NEXMIF: variants seen among roughly 807,000 people sequenced by gnomAD.
NEXMIF encodes the protein XLMR protein related to neurite extension.
Under a neutral mutation model 62.1 loss-of-function variants are expected in NEXMIF, and 8 were observed. That is an observed-to-expected ratio of 0.13 (90% confidence interval 0.08 to 0.23). The LOEUF (loss-of-function observed/expected upper bound fraction) is 0.23. Among genes scored for constraint, NEXMIF ranks in the 10% least tolerant of loss-of-function variants. NEXMIF has a pLI of 1.00. For missense variants in NEXMIF, 976 were observed against 1,113.3 expected, an observed-to-expected ratio of 0.88 and a Z score of 1.75; for synonymous variants, 404 against 416.6, an observed-to-expected ratio of 0.97 and a Z score of 0.37.
chrX:74,886,130 G>T (rs1216960622), intron 1 of NEXMIF, among the ~76,000 whole-genome samples: 10 of 111,548 alleles, frequency 9.0e-5, no homozygotes, highest in African/African-American at 2.0e-4. Flanking sequence ...AATAAATTAG[G>T]TATTGATGGG....
intron 1 of NEXMIF, among the ~76,000 whole-genome samples, chrX:74,796,201 C>CTATATATT (rs1375619170): frequency 1.2e-4 from 2 of 16,557 alleles, no homozygotes; most frequent in Non-Finnish European, 5.6e-4. Context: ...TATATATATA[C>CTATATATT]ATATATATTA....
intron 1 of NEXMIF, among the ~76,000 whole-genome samples, chrX:74,897,982 CAAAT>C (rs2080737790): frequency 9.0e-6 from 1 of 111,352 alleles, no homozygotes; most frequent in Admixed American, 9.5e-5. Flanking sequence ...AATGATTGAA[CAAAT>C]AAATAAATGA....
intron 1 of NEXMIF, among the ~76,000 whole-genome samples, chrX:74,767,011 T>C (rs1236794713): frequency 8.9e-6 from 1 of 112,166 alleles, no homozygotes; most frequent in African/African-American, 3.2e-5. Context: ...GGGTTCTCTG[T>C]GCTAGGGGTC....
chrX:74,793,394 T>C (rs1400379766), intron 1 of NEXMIF, among the ~76,000 whole-genome samples: 1 of 108,296 alleles, frequency 9.2e-6, no homozygotes, highest in African/African-American at 3.4e-5. Flanking sequence ...CCTTTCTCTC[T>C]GGCTGCCCTT....
chrX:74,827,233 G>C (rs1602241644), intron 1 of NEXMIF, among the ~76,000 whole-genome samples: 1 of 112,201 alleles, frequency 8.9e-6, no homozygotes, highest in East Asian at 2.8e-4. Flanking sequence ...AGGGTCAGAT[G>C]CACCAACCTC....
intron 1 of NEXMIF, among the ~76,000 whole-genome samples, chrX:74,836,651 G>A (rs1042744923): frequency 2.7e-5 from 3 of 111,730 alleles, no homozygotes; most frequent in African/African-American, 9.8e-5. Context: ...GGCTTAGCTG[G>A]TATCCAAGAT....
intron 1 of NEXMIF, among the ~76,000 whole-genome samples, chrX:74,838,656 A>C (rs1008825073): frequency 1.8e-5 from 2 of 111,523 alleles, no homozygotes; most frequent in African/African-American, 6.5e-5. Context: ...CTGTGCTCCA[A>C]GGTCCCTTCT....
intron 1 of NEXMIF, among the ~76,000 whole-genome samples, chrX:74,879,421 T>C (rs1165385637): frequency 8.9e-6 from 1 of 112,336 alleles, no homozygotes; most frequent in Non-Finnish European, 1.9e-5. Context: ...CATCTGGAAT[T>C]ATTTTATTTA....
chrX:74,853,659 C>T (rs2080523869), intron 1 of NEXMIF, among the ~76,000 whole-genome samples: 1 of 110,145 alleles, frequency 9.1e-6, no homozygotes, highest in South Asian at 3.9e-4. Context: ...TTCTAGCTGC[C>T]TAAAAATAAT....
rs758317884 is a variant in NEXMIF at position 74,740,772 on chromosome X, A to G, written c.3785T>C (p.Ile1262Thr). 4 of 1,210,662 alleles carry G rather than the reference A, an allele frequency of 3.3e-6. No individual in the cohort carries two copies. In the South Asian group the frequency reaches 5.3e-5, roughly 16 times the overall value. The change falls in exon 3 of 4, where the codon ATC (isoleucine) becomes ACC (threonine). Residue 1262 changes from isoleucine (I) to threonine (T), a missense_variant. Ile to Thr is a moderately conservative substitution (Grantham distance 89). Transcript: ENST00000055682. The stretch of plus-strand genomic sequence containing the variant: ...AGAGGCCATAGGGCCACCATGTTGG[A>G]TACATTCAGCCAATGTCTTCCCAGT... ...SSTGKTLAEC[I>T]QHGGPMASMK...
intron 1 of NEXMIF, among the ~76,000 whole-genome samples, chrX:74,835,171 TTTG>T (rs2080452301): frequency 1.8e-5 from 2 of 112,053 alleles, no homozygotes; most frequent in South Asian, 7.5e-4. Context: ...TTTTAATCTC[TTTG>T]TTAAGTTTAT....
At chrX:74,904,104 C>G (rs2080758546) in intron 1 of NEXMIF, among the ~76,000 whole-genome samples, 1 of 111,033 alleles carries the variant, frequency 9.0e-6, no homozygotes, top group African/African-American at 3.3e-5. Context: ...TTCCATGACC[C>G]AGGTAGCTCC....
At position 74,804,935 on chromosome X, in the gene NEXMIF, T is replaced by C. The variant is rs1361022943; in HGVS notation, c.-47-59238A>G. On this transcript the variant is annotated intron_variant, in intron 1 of 3. Coordinates refer to ENST00000055682, the MANE Select transcript of NEXMIF (RefSeq NM_001008537.3). ...CAAGTTCCAACCACTAGATGTGCGA[T>C]TCCCCTCTCACTAGGATTAATTTAA... is the stretch of plus-strand genomic sequence containing the variant. 5.4e-5 allele frequency among the ~76,000 whole-genome samples: 6 copies of C among 112,129 alleles called. No individual in the cohort carries two copies. In the East Asian group the frequency reaches 1.4e-3, roughly 26 times the overall value.
At chrX:74,769,626 C>G in intron 1 of NEXMIF, 1 of 605,401 alleles carries the variant, frequency 1.7e-6, no homozygotes, top group Non-Finnish European at 2.8e-6. Flanking sequence ...GGGATATATT[C>G]AGTCACGGTA....
At chrX:74,865,925 G>T (rs1187665738) in intron 1 of NEXMIF, among the ~76,000 whole-genome samples, 1 of 111,478 alleles carries the variant, frequency 9.0e-6, no homozygotes, top group Non-Finnish European at 1.9e-5. Context: ...GCCGGGGTGG[G>T]GCCCTCATGG....
rs2080393718 is a variant in NEXMIF, at chrX:74,821,064, CAGAG to C, written c.-47-75371_-47-75368del. Reference sequence around the variant, plus strand: ...AATAAGAAATAAGTAATTTTTTTTGCAGAGAGAGTCTCACTATGTTGTCCAGGCT... The same window carrying C: ...AATAAGAAATAAGTAATTTTTTTTGCAGAGTCTCACTATGTTGTCCAGGCT... On this transcript the variant is annotated intron_variant, in intron 1 of 3. Transcript: ENST00000055682. Among the ~76,000 whole-genome samples the C allele has an allele frequency of 2.7e-5, 3 of 110,273 alleles. No homozygotes were observed. The Admixed American group carries it at 2.9e-4, about 11-fold the overall frequency.
intron 1 of NEXMIF, among the ~76,000 whole-genome samples, chrX:74,779,844 C>T (rs1439583291): frequency 2.7e-5 from 3 of 111,757 alleles, no homozygotes; most frequent in Non-Finnish European, 3.8e-5. Context: ...TTTACATCTA[C>T]CACCATACCC....
At chrX:74,895,777 C>A (rs1447696038) in intron 1 of NEXMIF, among the ~76,000 whole-genome samples, 1 of 106,849 alleles carries the variant, frequency 9.4e-6, no homozygotes, top group Non-Finnish European at 1.9e-5. Context: ...AGGATAGTTA[C>A]CAGAGGCTGG....
Position 74,741,706 on chromosome X carries a change from C to T in NEXMIF, c.2851G>A (p.Asp951Asn), listed in dbSNP as rs771918287. The T allele has an allele frequency of 2.0e-5, 24 of 1,209,769 alleles. No individual in the cohort carries two copies. In the Admixed American group the frequency reaches 4.6e-4, roughly 23 times the overall value. The change falls in exon 3 of 4, where the codon GAC (aspartate) becomes AAC (asparagine). Residue 951 changes from aspartate (D) to asparagine (N), a missense_variant. By Grantham distance (23) the Asp-to-Asn change is conservative. Around this residue, in one of 5 missense-constraint regions of NEXMIF, gnomAD observed 639 missense variants for 694.5 expected, o/e 0.92. Coordinates refer to ENST00000055682, the MANE Select transcript of NEXMIF (RefSeq NM_001008537.3). ...GGSNCNKVLY[D>N]SMQDTQLPSD... ...GGGAGTTGGGTATCTTGCATGGAGT[C>T]ATACAGGACCTTGTTGCAATTACTG... is the stretch of plus-strand genomic sequence containing the variant.
Sources: allele counts gnomAD v4.1 joint callset (sites outside exome capture counted in the v4.1 genomes callset), GRCh38; gene constraint gnomAD v4.1.1; regional missense constraint gnomAD v4.1.1; transcripts MANE v1.5; gene names NCBI Gene and HGNC (gene_info 2026-07-23, HGNC 2026-07-21).